LOXHD1: variants seen among roughly 807,000 people sequenced by gnomAD.
LOXHD1 encodes lipoxygenase homology domain-containing protein 1.
A neutral mutation model predicts 248.2 loss-of-function variants in LOXHD1; 205 were observed. That is an observed-to-expected ratio of 0.83 (90% CI 0.74 to 0.93). The LOEUF is 0.93. Among genes scored for constraint, LOXHD1 ranks in the 40% least tolerant of loss-of-function variants. The pLI, the probability that LOXHD1 is intolerant of heterozygous loss-of-function variation, is 0.00. For missense variants in LOXHD1, 2,930 were observed against 2,971.6 expected, an observed-to-expected ratio of 0.99 and a Z score of 0.33; for synonymous variants, 1,113 against 1,162.8, an observed-to-expected ratio of 0.96 and a Z score of 0.87.
chr18:46,575,577 C>T (rs894990851), intron 14 of LOXHD1, among the ~76,000 whole-genome samples: 2 of 152,080 alleles, frequency 1.3e-5, no homozygotes, highest in African/African-American at 4.8e-5. Flanking sequence ...TGTGAGGAGG[C>T]GCAGAGAGAA....
At chr18:46,556,645 T>G in intron 21 of LOXHD1, 1 of 149,110 alleles carries the variant, frequency 6.7e-6, no homozygotes, top group South Asian at 1.5e-4. Flanking sequence ...CTCATCCTCA[T>G]ACCTGCCCAC....
intron 12 of LOXHD1, among the ~76,000 whole-genome samples, chr18:46,587,617 G>T (rs1295416871): frequency 6.6e-6 from 1 of 152,184 alleles, no homozygotes; most frequent in Non-Finnish European, 1.5e-5. Flanking sequence ...AGTAGTGAAA[G>T]ACTTTAAAGA....
chr18:46,506,089 C>A (rs1223021818), intron 36 of LOXHD1, 66 bp from the exon 37 acceptor site: 4 of 1,520,792 alleles, frequency 2.6e-6, no homozygotes, highest in African/African-American at 2.8e-5. Flanking sequence ...CTTGCTCTGG[C>A]CTTGATCCCG....
intron 3 of LOXHD1, among the ~76,000 whole-genome samples, chr18:46,640,183 A>C (rs1319224482): frequency 6.6e-6 from 1 of 152,124 alleles, no homozygotes; most frequent in Non-Finnish European, 1.5e-5. Flanking sequence ...GCACGGATAC[A>C]CACAACACTT....
At chr18:46,493,225 C>G (rs1476551863) in intron 37 of LOXHD1, among the ~76,000 whole-genome samples, 1 of 152,206 alleles carries the variant, frequency 6.6e-6, no homozygotes, top group African/African-American at 2.4e-5. Flanking sequence ...TCCCCAGGTT[C>G]TGAATGTCAA....
chr18:46,477,461 G>A lies in LOXHD1; in HGVS notation c.*11C>T. 1 of 1,542,632 alleles carries A rather than the reference G, an allele frequency of 6.5e-7. No individual in the cohort carries two copies. Among genetic ancestry groups the A allele is most frequent in the Non-Finnish European group, 8.8e-7 (1 of 1,141,118 alleles). On this transcript the variant is annotated 3_prime_UTR_variant, in exon 41 of 41. Coordinates refer to ENST00000642948, the MANE Select transcript of LOXHD1 (RefSeq NM_001384474.1). ...GGGGCATCTCAGTGAGAGGGTGGGG[G>A]CCCTAGCCCCTCAGACAGAAGGGAA...
intron 4 of LOXHD1, among the ~76,000 whole-genome samples, chr18:46,629,902 C>T (rs949091861): frequency 6.6e-6 from 1 of 152,116 alleles, no homozygotes; most frequent in Non-Finnish European, 1.5e-5. Flanking sequence ...CCTGCATGCG[C>T]CCAGCCCACC....
rs769142020 is a variant in LOXHD1 at position 46,485,142 on chromosome 18, A to G, written c.6059T>C (p.Ile2020Thr). Residue 2020 changes from isoleucine (I) to threonine (T), a missense_variant, in exon 39 of 41, where the codon ATC becomes ACC. Coordinates refer to ENST00000642948, the MANE Select transcript of LOXHD1 (RefSeq NM_001384474.1). The stretch of plus-strand genomic sequence containing the variant: ...GCCTCCGTTGCCCGTTTCTATGACG[A>G]TCTCGTAGGCTGTAATGGAGGAGGT... The part of the protein sequence containing the change: ...CDELEETTYE[I>T]VIETGNGGET... 6.5e-7 allele frequency: 1 copy of G among 1,545,164 alleles called. No homozygotes were observed. The highest frequency in any genetic ancestry group is 1.2e-5 in the South Asian group (1 of 83,462).
intron 37 of LOXHD1, among the ~76,000 whole-genome samples, chr18:46,503,419 A>T (rs939645454): frequency 2.0e-5 from 3 of 152,168 alleles, no homozygotes; most frequent in Non-Finnish European, 2.9e-5. Context: ...AATGTGGCTC[A>T]ATGCTTTCAC....
chr18:46,584,424 G>A (rs2038021840), intron 12 of LOXHD1, among the ~76,000 whole-genome samples: 1 of 152,082 alleles, frequency 6.6e-6, no homozygotes, highest in African/African-American at 2.4e-5. Flanking sequence ...TGCATGAGGT[G>A]ATGGATAGGC....
intron 28 of LOXHD1, among the ~76,000 whole-genome samples, chr18:46,530,716 CAG>C (rs2036027730): frequency 6.6e-6 from 1 of 152,170 alleles, no homozygotes; most frequent in South Asian, 2.1e-4. Flanking sequence ...CTGTAGAACA[CAG>C]TGACACCCAC....
intron 31 of LOXHD1, 126 bp downstream of exon 31, chr18:46,524,340 T>C (rs2035720129): frequency 6.7e-6 from 9 of 1,342,862 alleles, no homozygotes; most frequent in Admixed American, 2.3e-5. Context: ...GTGAAAACTA[T>C]GTAAATGACT....
intron 21 of LOXHD1, among the ~76,000 whole-genome samples, chr18:46,551,325 G>A (rs952477609): frequency 1.3e-5 from 2 of 151,898 alleles, no homozygotes; most frequent in African/African-American, 2.4e-5. Context: ...GGATGGTCTC[G>A]ATCTCCTGAC....
At chr18:46,563,574 C>G (rs532220829) in intron 17 of LOXHD1, among the ~76,000 whole-genome samples, 1 of 152,282 alleles carries the variant, frequency 6.6e-6, no homozygotes, top group South Asian at 2.1e-4. Flanking sequence ...TTTGTCCTCT[C>G]CAAAACTCAT....
At chr18:46,598,267 A>G (rs2038287873) in intron 8 of LOXHD1, among the ~76,000 whole-genome samples, 3 of 152,108 alleles carry the variant, frequency 2.0e-5, no homozygotes, top group Non-Finnish European at 4.4e-5. Flanking sequence ...TTTAACACCA[A>G]TTCATCATAA....
chr18:46,519,767 A>C (rs2035473642), intron 33 of LOXHD1, among the ~76,000 whole-genome samples: 2 of 152,160 alleles, frequency 1.3e-5, no homozygotes. Flanking sequence ...TCCTTTACAC[A>C]GATACATCTC....
At chr18:46,614,371 A>G (rs187534900) in intron 5 of LOXHD1, among the ~76,000 whole-genome samples, 95 of 152,324 alleles carry the variant, frequency 6.2e-4, no homozygotes, top group African/African-American at 2.1e-3. Context: ...CATATACATC[A>G]TGGAATACTA....
chr18:46,555,390 T>C lies in LOXHD1; in HGVS notation c.3350+1966A>G, dbSNP rs904042629. The C allele has an allele frequency of 9.3e-6, 3 of 321,482 alleles. No homozygotes were observed. The East Asian group carries it at 2.3e-4, about 25-fold the overall frequency. The allele number at this position is 321,482 out of a possible 1,614,324, so 19.9% of individuals were successfully genotyped here. A position where few individuals can be genotyped will look rare whatever the true frequency, so the allele number is the denominator to read the frequency against. On this transcript the variant is annotated intron_variant, in intron 21 of 40. Coordinates refer to ENST00000642948, the MANE Select transcript of LOXHD1 (RefSeq NM_001384474.1). ...CTGGTTCCCAGCCATGGGGCTGTCC[T>C]ACGGTCTTTATGTGGTTTCACAATG...
At chr18:46,622,263 G>C (rs1241109047) in intron 4 of LOXHD1, among the ~76,000 whole-genome samples, 1 of 152,210 alleles carries the variant, frequency 6.6e-6, no homozygotes, top group Non-Finnish European at 1.5e-5. Flanking sequence ...TGGCATGAAA[G>C]CAACAATAGA....
Sources: allele counts gnomAD v4.1 joint callset (sites outside exome capture counted in the v4.1 genomes callset), GRCh38; gene constraint gnomAD v4.1.1; transcripts MANE v1.5; gene names NCBI Gene and HGNC (gene_info 2026-07-23, HGNC 2026-07-21).